ATXN1: variants seen among roughly 807,000 people sequenced by gnomAD.
ATXN1 encodes the protein ataxin 1, also known as ataxin-1.
ATXN1 carries 8 observed loss-of-function variants against 56.4 expected under a neutral mutation model. The ratio of observed to expected loss-of-function variants is 0.14; its 90% CI spans 0.08 to 0.26. The LOEUF is 0.26. Ranked by LOEUF, ATXN1 falls within the 10% of genes least tolerant of loss-of-function variation. ATXN1 has a pLI of 1.00. For missense variants in ATXN1, 987 were observed against 1,106.5 expected, an observed-to-expected ratio of 0.89 and a Z score of 1.53; for synonymous variants, 514 against 494.6, an observed-to-expected ratio of 1.04 and a Z score of -0.52.
intron 6 of ATXN1, among the ~76,000 whole-genome samples, chr6:16,446,064 G>T (rs1307308378): frequency 4.0e-5 from 6 of 151,684 alleles, no homozygotes; most frequent in Non-Finnish European, 8.8e-5. Flanking sequence ...GGGTCAAATG[G>T]TATTTCTAGT....
chr6:16,326,598 A>T lies in ATXN1; in HGVS notation c.1713T>A (p.Pro571=). 6.2e-7 allele frequency: 1 copy of T among 1,614,096 alleles called. No homozygotes were observed. ...TGATGGAGCCTTTCATGAAGTAGGG[A>T]GGCAGCGTAGGGGGAGCCGCCGCCG... is the stretch of plus-strand genomic sequence containing the variant. The part of the protein sequence containing the change: ...ASPAAAPPTL[P]PYFMKGSIIQ... Residue 571 remains proline, a synonymous_variant, in exon 7 of 8, where the codon CCT becomes CCA. Transcript: ENST00000436367. This position sits in a 1 kb window ranked among gnomAD's most constrained non-coding sequence, Gnocchi z 6.6.
At chr6:16,348,215 C>T (rs572707016) in intron 6 of ATXN1, among the ~76,000 whole-genome samples, 19 of 152,242 alleles carry the variant, frequency 1.2e-4, no homozygotes, top group East Asian at 1.2e-3. Flanking sequence ...AGACTTGTGC[C>T]GCCACATCTA....
intron 2 of ATXN1, among the ~76,000 whole-genome samples, chr6:16,733,615 C>T (rs1356773810): frequency 3.9e-5 from 6 of 152,044 alleles, no homozygotes; most frequent in East Asian, 1.9e-4. Flanking sequence ...CCTATAATCC[C>T]GGTACTTTGG....
intron 5 of ATXN1, among the ~76,000 whole-genome samples, chr6:16,495,868 CTCAA>C (rs781618404): frequency 1.4e-5 from 2 of 147,540 alleles, no homozygotes; most frequent in South Asian, 2.2e-4. Flanking sequence ...CTCTCTCTCT[CTCAA>C]AAAAAAAAAA....
chr6:16,747,217 G>A (rs902118448), intron 2 of ATXN1, among the ~76,000 whole-genome samples: 15 of 152,130 alleles, frequency 9.9e-5, no homozygotes, highest in Non-Finnish European at 5.9e-5. Flanking sequence ...CACGCTGCTC[G>A]GTGTTTAATC....
intron 7 of ATXN1, among the ~76,000 whole-genome samples, chr6:16,321,796 G>A (rs1026995686): frequency 1.8e-4 from 27 of 152,158 alleles, no homozygotes; most frequent in Non-Finnish European, 7.4e-5. Flanking sequence ...GTCAGTACAT[G>A]TTCATCTTAA....
rs1760801658 is a variant in ATXN1 at position 16,326,235 on chromosome 6, A to AT, written c.1917+158dup. Among the ~76,000 whole-genome samples, 1 of 152,160 alleles carries AT rather than the reference A, an allele frequency of 6.6e-6. No individual in the cohort carries two copies. Among genetic ancestry groups the AT allele is most frequent in the South Asian group, 2.1e-4 (1 of 4,812 alleles). ...CAGAGATCACGGGGAAATGGGGCTT[A>AT]TTTTTTCTAGAGAACGCAGTTGGGA... On this transcript the variant is annotated intron_variant, in intron 7 of 7. Transcript: ENST00000436367. This position sits in a 1 kb window ranked among gnomAD's most constrained non-coding sequence, Gnocchi z 6.6.
chr6:16,651,152 T>A (rs1763885626), intron 3 of ATXN1, among the ~76,000 whole-genome samples: 2 of 152,172 alleles, frequency 1.3e-5, no homozygotes, highest in Non-Finnish European at 2.9e-5. Flanking sequence ...AAGGGGCTTC[T>A]TGGAAGCCAC....
chr6:16,471,065 A>C (rs566535633), intron 6 of ATXN1, among the ~76,000 whole-genome samples: 1 of 152,254 alleles, frequency 6.6e-6, no homozygotes, highest in African/African-American at 2.4e-5. Flanking sequence ...AACCACTGGA[A>C]ACAAACTGCG....
chr6:16,521,920 A>C (rs1761299358), intron 5 of ATXN1, among the ~76,000 whole-genome samples: 2 of 152,216 alleles, frequency 1.3e-5, no homozygotes, highest in Non-Finnish European at 2.9e-5. Flanking sequence ...GATTATGAGA[A>C]AGTCAAATAG....
chr6:16,563,046 G>A (rs1232818736), intron 4 of ATXN1, among the ~76,000 whole-genome samples: 3 of 152,008 alleles, frequency 2.0e-5, no homozygotes, highest in African/African-American at 4.8e-5. Context: ...TCTGGGATGC[G>A]TGAGCACAGC....
intron 6 of ATXN1, among the ~76,000 whole-genome samples, chr6:16,340,545 G>C (rs7749925): frequency 0.13 from 19,480 of 152,108 alleles, 1,898 homozygotes; most frequent in East Asian, 0.4. Flanking sequence ...CCTGTAATAA[G>C]TATGAGTAGA....
In ATXN1 at chr6:16,506,034, G is replaced by A. The variant is rs1347518063; in HGVS notation, c.-299+16593C>T. Among the ~76,000 whole-genome samples, 1 of 152,090 alleles carries A rather than the reference G, an allele frequency of 6.6e-6. No homozygotes were observed. Among genetic ancestry groups the A allele is most frequent in the Non-Finnish European group, 1.5e-5 (1 of 68,020 alleles). On this transcript the variant is annotated intron_variant, in intron 5 of 7. Transcript: ENST00000436367. The surrounding 1 kb of genome is among the most constrained non-coding windows in gnomAD (Gnocchi z 4.1). ...CTGGAGGGCAGTGTCTTCCCTCCTA[G>A]AAGAGAGGCCCAGGCTGAGAGCATC...
intron 6 of ATXN1, among the ~76,000 whole-genome samples, chr6:16,437,624 T>C (rs1029607274): frequency 9.2e-5 from 14 of 152,252 alleles, no homozygotes; most frequent in Non-Finnish European, 1.5e-5. Flanking sequence ...TGTTGTATTA[T>C]TTTCTAACAG....
chr6:16,558,315 A>G (rs1039292316), intron 4 of ATXN1, among the ~76,000 whole-genome samples: 3 of 145,834 alleles, frequency 2.1e-5, no homozygotes, highest in African/African-American at 2.7e-5. Flanking sequence ...AAAAAAAAAA[A>G]AAAGAAAAAA....
chr6:16,315,854 G>A (rs746530678), intron 7 of ATXN1, among the ~76,000 whole-genome samples: 15 of 152,106 alleles, frequency 9.9e-5, no homozygotes, highest in Non-Finnish European at 1.6e-4. Flanking sequence ...AGATAATGAT[G>A]ATCATTATGT....
chr6:16,404,309 A>G (rs1349593039), intron 6 of ATXN1, among the ~76,000 whole-genome samples: 1 of 152,226 alleles, frequency 6.6e-6, no homozygotes, highest in Admixed American at 6.5e-5. Flanking sequence ...ATAACAAAGG[A>G]AGTACTGGAC....
intron 4 of ATXN1, among the ~76,000 whole-genome samples, chr6:16,529,696 G>T (rs972964114): frequency 1.3e-5 from 2 of 151,190 alleles, no homozygotes; most frequent in Admixed American, 1.3e-4. Flanking sequence ...GTTTCTCGTC[G>T]GATAAATTTA....
intron 3 of ATXN1, among the ~76,000 whole-genome samples, chr6:16,597,533 G>A (rs1200295412): frequency 1.3e-5 from 2 of 151,192 alleles, no homozygotes; most frequent in Non-Finnish European, 2.9e-5. Context: ...CTACCTCTCA[G>A]ATTCTAGCGA....
Sources: gnomAD v4.1 joint callset for allele counts (sites outside exome capture counted in the v4.1 genomes callset) on GRCh38, gnomAD v4.1.1 for gene constraint, Gnocchi (gnomAD v3.1) non-coding constraint, MANE v1.5 for transcripts, NCBI Gene and HGNC (gene_info 2026-07-23, HGNC 2026-07-21) for gene names.